Variants in THEMIS observed in about 807,000 individuals in gnomAD.
The protein encoded by THEMIS is thymocyte selection associated.
In THEMIS, 37 loss-of-function variants were observed where a neutral mutation model predicts 52.6. The ratio of observed to expected loss-of-function variants is 0.70; its 90% confidence interval spans 0.54 to 0.93. The LOEUF (loss-of-function observed/expected upper bound fraction) is 0.93, where lower values mean the gene tolerates loss of function less well. THEMIS is among the 40% of genes least tolerant of loss of function. The probability of loss-of-function intolerance (pLI) is 0.00; values close to 1 mark genes in which losing one functional copy is unlikely to be tolerated. For missense variants in THEMIS, 808 were observed against 763.1 expected, an observed-to-expected ratio of 1.06 and a Z score of -0.69; for synonymous variants, 292 against 272.7, an observed-to-expected ratio of 1.07 and a Z score of -0.70.
intron 5 of THEMIS, among the ~76,000 whole-genome samples, chr6:127,716,986 C>T (rs758372049): frequency 6.6e-6 from 1 of 151,890 alleles, no homozygotes; most frequent in Non-Finnish European, 1.5e-5. Context: ...GCATACTGCT[C>T]TCAAAGGCAA....
At chr6:127,740,219 G>A (rs1031271381) in intron 4 of THEMIS, among the ~76,000 whole-genome samples, 7 of 152,104 alleles carry the variant, frequency 4.6e-5, no homozygotes, top group Non-Finnish European at 8.8e-5. Context: ...GGGAACAAAG[G>A]ACATTTAAAA....
At position 127,813,769 on chromosome 6, in the gene THEMIS, G is replaced by C. The variant is rs1778026045; in HGVS notation, c.872C>G (p.Pro291Arg). The stretch of plus-strand genomic sequence containing the variant: ...GCTTTGGGGCAGGTGGTTTCCTTCA[G>C]GTGCTTCTATGACTTCAGTCACTAT... The part of the protein sequence containing the change: ...FPIVTEVIEA[P>R]EGNHLPQSIL... Residue 291 changes from proline (P) to arginine (R), a missense_variant, in exon 4 of 6, where the codon CCT becomes CGT. Pro to Arg is a moderately radical substitution (Grantham distance 103). Coordinates refer to ENST00000368248, the MANE Select transcript of THEMIS (RefSeq NM_001010923.3). 1 of 1,613,774 alleles carries C rather than the reference G, an allele frequency of 6.2e-7. No homozygotes were observed. Among genetic ancestry groups the C allele is most frequent in the Non-Finnish European group, 8.5e-7 (1 of 1,179,958 alleles).
chr6:127,726,983 T>TAAAC (rs1386561318), intron 4 of THEMIS, among the ~76,000 whole-genome samples: 59 of 152,304 alleles, frequency 3.9e-4, no homozygotes, highest in African/African-American at 1.3e-3. Flanking sequence ...TTTAAGGAGA[T>TAAAC]AAAAATTCCT....
intron 4 of THEMIS, among the ~76,000 whole-genome samples, chr6:127,757,021 A>T (rs1243920741): frequency 6.6e-6 from 1 of 152,226 alleles, no homozygotes; most frequent in Non-Finnish European, 1.5e-5. Context: ...CTTTTATTCC[A>T]TAATAAAGTT....
At chr6:127,763,127 T>C (rs1776077780) in intron 4 of THEMIS, among the ~76,000 whole-genome samples, 1 of 151,924 alleles carries the variant, frequency 6.6e-6, no homozygotes, top group East Asian at 1.9e-4. Context: ...CCTAAGAGTT[T>C]AAGAAAGAAA....
At chr6:127,881,027 T>C (rs1780469571) in intron 1 of THEMIS, among the ~76,000 whole-genome samples, 1 of 152,128 alleles carries the variant, frequency 6.6e-6, no homozygotes, top group Non-Finnish European at 1.5e-5. Context: ...AGTTTTTAAA[T>C]TCAAGAACTT....
chr6:127,762,597 T>C (rs1244598186), intron 4 of THEMIS, among the ~76,000 whole-genome samples: 1 of 152,088 alleles, frequency 6.6e-6, no homozygotes, highest in Non-Finnish European at 1.5e-5. Context: ...GCATTGTCAG[T>C]CCCCTCCACC....
intron 5 of THEMIS, among the ~76,000 whole-genome samples, chr6:127,718,343 A>G (rs1416654437): frequency 6.6e-6 from 1 of 151,886 alleles, no homozygotes; most frequent in Non-Finnish European, 1.5e-5. Context: ...GCCTAGAACC[A>G]CTGCTTTAAT....
chr6:127,769,413 G>A (rs993231088), intron 4 of THEMIS, among the ~76,000 whole-genome samples: 4 of 147,514 alleles, frequency 2.7e-5, no homozygotes, highest in African/African-American at 1.0e-4. Flanking sequence ...CCTACAATAT[G>A]TTCTTTGCTT....
intron 3 of THEMIS, among the ~76,000 whole-genome samples, chr6:127,821,044 TA>T (rs1337023515): frequency 6.6e-6 from 1 of 151,992 alleles, no homozygotes; most frequent in East Asian, 1.9e-4. Flanking sequence ...CATGCTTTTA[TA>T]GAAATATTTT....
chr6:127,902,855 C>T (rs920068024), upstream of THEMIS, among the ~76,000 whole-genome samples: 1 of 152,018 alleles, frequency 6.6e-6, no homozygotes, highest in Non-Finnish European at 1.5e-5. Flanking sequence ...TCCGTTAGAA[C>T]TGATGCCACA....
At chr6:127,898,973 G>C (rs914557587) in intron 1 of THEMIS, among the ~76,000 whole-genome samples, 1 of 151,844 alleles carries the variant, frequency 6.6e-6, no homozygotes, top group Non-Finnish European at 1.5e-5. Context: ...GGGAAGGGTA[G>C]TGGGAGGGGG....
chr6:127,846,271 A>G (rs1779211777), intron 2 of THEMIS, among the ~76,000 whole-genome samples: 1 of 151,978 alleles, frequency 6.6e-6, no homozygotes, highest in Non-Finnish European at 1.5e-5. Flanking sequence ...CAATTGCCAC[A>G]TTATAGCATT....
At chr6:127,807,957 T>G (rs1777775113) in intron 4 of THEMIS, among the ~76,000 whole-genome samples, 1 of 152,218 alleles carries the variant, frequency 6.6e-6, no homozygotes, top group African/African-American at 2.4e-5. Context: ...GCTTTCCTTC[T>G]GCCTTTTTCA....
At chr6:127,835,187 T>C (rs1378798479) in intron 2 of THEMIS, among the ~76,000 whole-genome samples, 1 of 152,104 alleles carries the variant, frequency 6.6e-6, no homozygotes, top group African/African-American at 2.4e-5. Context: ...AAGAGGATCT[T>C]CACAATACCA....
intron 3 of THEMIS, among the ~76,000 whole-genome samples, chr6:127,815,596 A>C (rs755289150): frequency 1.3e-5 from 2 of 152,220 alleles, no homozygotes; most frequent in Non-Finnish European, 2.9e-5. Flanking sequence ...TTTAGAAAAA[A>C]AAGGAGGGTT....
chr6:127,915,940 T>C (rs1055104813), intron 1 of THEMIS, among the ~76,000 whole-genome samples: 3 of 152,112 alleles, frequency 2.0e-5, no homozygotes, highest in Admixed American at 2.0e-4. Flanking sequence ...TGAGCCGAGA[T>C]TGTGCCACCA....
At chr6:127,749,858 C>G (rs1202033039) in intron 4 of THEMIS, among the ~76,000 whole-genome samples, 1 of 150,994 alleles carries the variant, frequency 6.6e-6, no homozygotes, top group Non-Finnish European at 1.5e-5. Flanking sequence ...CACAAAAACA[C>G]CATGTCATGA....
At chr6:127,880,481 A>G (rs1459407134) in intron 1 of THEMIS, among the ~76,000 whole-genome samples, 1 of 151,474 alleles carries the variant, frequency 6.6e-6, no homozygotes, top group Non-Finnish European at 1.5e-5. Context: ...TTATTTCTGA[A>G]CTCACATGAT....
Sources: gnomAD v4.1 joint callset for allele counts (sites outside exome capture counted in the v4.1 genomes callset) on GRCh38, gnomAD v4.1.1 for gene constraint, MANE v1.5 for transcripts, NCBI Gene and HGNC (gene_info 2026-07-23, HGNC 2026-07-21) for gene names.